BICC1: variants seen among roughly 807,000 people sequenced by gnomAD.
The protein encoded by BICC1 is protein bicaudal C homolog 1.
In BICC1, 43 loss-of-function variants were observed where a neutral mutation model predicts 111.0. That is an observed-to-expected ratio of 0.39 (90% confidence interval 0.30 to 0.50). The LOEUF (loss-of-function observed/expected upper bound fraction) is 0.50. Ranked by LOEUF, BICC1 falls within the 20% of genes least tolerant of loss-of-function variation. The pLI, the probability that BICC1 is intolerant of heterozygous loss-of-function variation, is 0.88. For missense variants in BICC1, 1,091 were observed against 1,203.2 expected (o/e 0.91, Z 1.38); for synonymous variants, 467 against 434.4 (o/e 1.07, Z -0.93).
At chr10:58,592,201 A>G (rs2132042624) in intron 1 of BICC1, among the ~76,000 whole-genome samples, 1 of 152,312 alleles carries the variant, frequency 6.6e-6, no homozygotes, top group South Asian at 2.1e-4. Context: ...AGAAATAACA[A>G]GCAGTATTCC....
chr10:58,765,145 C>A (rs143069522), intron 3 of BICC1, among the ~76,000 whole-genome samples: 3 of 151,994 alleles, frequency 2.0e-5, no homozygotes, highest in Non-Finnish European at 4.4e-5. Context: ...TGCAGTGGTG[C>A]GATCTCTGCT....
intron 3 of BICC1, among the ~76,000 whole-genome samples, chr10:58,750,793 G>A (rs970185063): frequency 2.0e-5 from 3 of 152,088 alleles, no homozygotes; most frequent in African/African-American, 7.2e-5. Flanking sequence ...CTTGTTAATT[G>A]TGACTTAATG....
intron 3 of BICC1, among the ~76,000 whole-genome samples, chr10:58,737,834 G>A (rs909597947): frequency 1.3e-5 from 2 of 152,148 alleles, no homozygotes; most frequent in African/African-American, 4.8e-5. Flanking sequence ...TTCTCTGATG[G>A]ACAGTGATGA....
chr10:58,792,403 C>T (rs1278759404), intron 8 of BICC1, among the ~76,000 whole-genome samples: 1 of 152,120 alleles, frequency 6.6e-6, no homozygotes, highest in Non-Finnish European at 1.5e-5. Context: ...AGGCAGGGGT[C>T]CTCAATCCCC....
At chr10:58,751,005 G>T (rs944696962) in intron 3 of BICC1, among the ~76,000 whole-genome samples, 6 of 152,080 alleles carry the variant, frequency 3.9e-5, no homozygotes, top group African/African-American at 1.4e-4. Context: ...AAGATTTTAT[G>T]AAACGGAAGA....
At chr10:58,514,020 G>T (rs1037493303) in intron 1 of BICC1, among the ~76,000 whole-genome samples, 2 of 152,192 alleles carry the variant, frequency 1.3e-5, no homozygotes, top group Admixed American at 6.6e-5. Flanking sequence ...TGCTATGGGT[G>T]TCTGACTTTG....
intron 1 of BICC1, among the ~76,000 whole-genome samples, chr10:58,519,128 T>A (rs1842325821): frequency 6.6e-6 from 1 of 152,170 alleles, no homozygotes; most frequent in South Asian, 2.1e-4. Context: ...AGGAGCCCCG[T>A]GTCTTCCCTC....
At chr10:58,626,529 G>T (rs1017275032) in intron 2 of BICC1, among the ~76,000 whole-genome samples, 1 of 152,092 alleles carries the variant, frequency 6.6e-6, no homozygotes, top group Non-Finnish European at 1.5e-5. Context: ...GTAAATCAGG[G>T]TTAGTGAGAA....
intron 1 of BICC1, among the ~76,000 whole-genome samples, chr10:58,592,419 G>A (rs756141753): frequency 4.3e-4 from 65 of 152,012 alleles, no homozygotes; most frequent in Admixed American, 1.0e-3. Flanking sequence ...TAATTTTTAA[G>A]AAATTCCTCT....
chr10:58,521,271 C>A (rs1842379369), intron 1 of BICC1, among the ~76,000 whole-genome samples: 1 of 152,178 alleles, frequency 6.6e-6, no homozygotes, highest in African/African-American at 2.4e-5. Flanking sequence ...CTTCTCATCT[C>A]TAAAATGGAG....
intron 2 of BICC1, among the ~76,000 whole-genome samples, chr10:58,633,054 C>A (rs566849468): frequency 6.6e-6 from 1 of 152,128 alleles, no homozygotes; most frequent in Non-Finnish European, 1.5e-5. Context: ...ATAATCCCCA[C>A]GTGTCAAGGG....
At chr10:58,756,617 A>G (rs1222043262) in intron 3 of BICC1, among the ~76,000 whole-genome samples, 1 of 141,042 alleles carries the variant, frequency 7.1e-6, no homozygotes, top group African/African-American at 2.7e-5. Context: ...CCCTTTAGCA[A>G]CTACTAGCCT....
chr10:58,622,362 T>C (rs1845845571), intron 2 of BICC1, among the ~76,000 whole-genome samples: 1 of 152,228 alleles, frequency 6.6e-6, no homozygotes, highest in South Asian at 2.1e-4. Flanking sequence ...ATTTAAAAGC[T>C]GAGTCAAAAT....
intron 3 of BICC1, among the ~76,000 whole-genome samples, chr10:58,758,071 A>G (rs1226988373): frequency 6.6e-6 from 1 of 150,842 alleles, no homozygotes; most frequent in Non-Finnish European, 1.5e-5. Context: ...CTACTATCTT[A>G]AAAAAAAATA....
chr10:58,558,393 G>A (rs1294148749), intron 1 of BICC1, among the ~76,000 whole-genome samples: 1 of 152,036 alleles, frequency 6.6e-6, no homozygotes, highest in East Asian at 1.9e-4. Flanking sequence ...AGACTTCTAG[G>A]TTCCACCTTG....
chr10:58,575,024 T>G (rs11006189), intron 1 of BICC1, among the ~76,000 whole-genome samples: 2 of 152,270 alleles, frequency 1.3e-5, no homozygotes, highest in East Asian at 3.9e-4. Context: ...TTTTTTTTTT[T>G]TAATTTTACT....
At chr10:58,649,705 T>C (rs1421970039) in intron 2 of BICC1, among the ~76,000 whole-genome samples, 1 of 152,234 alleles carries the variant, frequency 6.6e-6, no homozygotes, top group Non-Finnish European at 1.5e-5. Context: ...CTTTTTCCTC[T>C]GAATAGCTAA....
intron 2 of BICC1, among the ~76,000 whole-genome samples, chr10:58,645,424 AAAAAAAAAAAAG>A (rs1838240611): frequency 6.6e-6 from 1 of 151,524 alleles, no homozygotes; most frequent in African/African-American, 2.4e-5. Flanking sequence ...AAAAAAAAAA[AAAAAAAAAAAAG>A]AGGGAAAAGG....
chr10:58,764,629 C>CTTTTT (rs11366847), intron 3 of BICC1, among the ~76,000 whole-genome samples: 11 of 117,558 alleles, frequency 9.4e-5, no homozygotes, highest in Admixed American at 2.7e-4. Flanking sequence ...TAATTTCCTT[C>CTTTTT]TTTTTTTTTT....
Sources: allele counts gnomAD v4.1 joint callset (sites outside exome capture counted in the v4.1 genomes callset), GRCh38; gene constraint gnomAD v4.1.1; transcripts MANE v1.5; gene names NCBI Gene and HGNC (gene_info 2026-07-23, HGNC 2026-07-21).